Variants in NRXN3 observed in about 807,000 individuals in gnomAD.
NRXN3 encodes neurexin 3.
In NRXN3, 32 loss-of-function variants were observed where a neutral mutation model predicts 137.6. The ratio of observed to expected loss-of-function variants is 0.23; its 90% CI spans 0.18 to 0.31. The LOEUF (loss-of-function observed/expected upper bound fraction) is 0.31. Ranked by LOEUF, NRXN3 falls within the 10% of genes least tolerant of loss-of-function variation. The probability of loss-of-function intolerance (pLI) is 1.00; values close to 1 mark genes in which losing one functional copy is unlikely to be tolerated. For missense variants in NRXN3, 1,574 were observed against 2,062.5 expected (o/e 0.76, Z 4.59); for synonymous variants, 798 against 784.5 (o/e 1.02, Z -0.29).
intron 19 of NRXN3, among the ~76,000 whole-genome samples, chr14:79,781,855 G>C (rs75616767): frequency 6.6e-6 from 1 of 152,138 alleles, no homozygotes; most frequent in Non-Finnish European, 1.5e-5. Flanking sequence ...CTATTTACTT[G>C]TCTATTCTAT....
At chr14:78,874,382 A>G (rs1472975296) in intron 10 of NRXN3, among the ~76,000 whole-genome samples, 4 of 152,210 alleles carry the variant, frequency 2.6e-5, no homozygotes, top group African/African-American at 9.6e-5. Context: ...TCAATGTGGA[A>G]TAGGGCTGTA....
intron 4 of NRXN3, among the ~76,000 whole-genome samples, chr14:78,445,998 A>C (rs1015863306): frequency 6.6e-6 from 1 of 152,092 alleles, no homozygotes; most frequent in Non-Finnish European, 1.5e-5. Context: ...AAGCCTAGCT[A>C]TTCATTGGCT....
intron 16 of NRXN3, among the ~76,000 whole-genome samples, chr14:79,470,255 T>C (rs1475054324): frequency 6.6e-6 from 1 of 152,202 alleles, no homozygotes; most frequent in Non-Finnish European, 1.5e-5. Flanking sequence ...TCTCAGTTTT[T>C]TTACTGCTAT....
chr14:79,355,676 T>C (rs1489532097), intron 15 of NRXN3, among the ~76,000 whole-genome samples: 3 of 151,994 alleles, frequency 2.0e-5, no homozygotes, highest in Non-Finnish European at 4.4e-5. Flanking sequence ...AAATAAACAA[T>C]AAATATTAAT....
chr14:78,967,443 CAATA>C lies in NRXN3; in HGVS notation c.2968+46_2968+49del, dbSNP rs780809922. ...TTAGTTTTTAATAGAGCTTTTCTTA[CAATA>C]GATAGACTATTTCCAGAGGCAAACC... On this transcript the variant is annotated intron_variant, in intron 13 of 20. Coordinates refer to ENST00000335750, the MANE Select transcript of NRXN3 (RefSeq NM_001330195.2). The C allele has an allele frequency of 1.1e-5, 16 of 1,396,148 alleles. No homozygotes were observed. The South Asian group carries it at 2.0e-4, about 17-fold the overall frequency. 86.5% of individuals were successfully genotyped at this position (1,396,148 alleles called of 1,614,324 possible).
At chr14:79,369,664 G>A (rs1309291587) in intron 15 of NRXN3, among the ~76,000 whole-genome samples, 1 of 152,074 alleles carries the variant, frequency 6.6e-6, no homozygotes, top group East Asian at 1.9e-4. Flanking sequence ...ATGGACAGAT[G>A]TTACCCCTCA....
At chr14:78,827,399 G>T (rs563781101) in intron 10 of NRXN3, among the ~76,000 whole-genome samples, 1 of 151,954 alleles carries the variant, frequency 6.6e-6, no homozygotes, top group African/African-American at 2.4e-5. Context: ...ACATATGGAC[G>T]CATATATATG....
rs1394693876 is a variant in NRXN3 at position 79,706,536 on chromosome 14, GGAGGAAA to G, written c.4014+8601_4014+8607del. 6.6e-5 allele frequency among the ~76,000 whole-genome samples: 10 copies of G among 151,080 alleles called. No homozygotes were observed. The East Asian group carries it at 1.6e-3, about 24-fold the overall frequency. ...GTTGAAAGCCACAAGAGGCCTCTGA[GGAGGAAA>G]GCCTCCTAAATGCCATCATGTTCCC... On this transcript the variant is annotated intron_variant, in intron 19 of 20. Coordinates refer to ENST00000335750, the MANE Select transcript of NRXN3 (RefSeq NM_001330195.2).
chr14:78,833,717 G>GA (rs1423554607), intron 10 of NRXN3, among the ~76,000 whole-genome samples: 2 of 26,382 alleles, frequency 7.6e-5, no homozygotes, highest in African/African-American at 1.5e-4. Context: ...TTTCAAATCT[G>GA]AAAAAATCTA....
At chr14:78,225,074 C>T (rs1340535985) in intron 1 of NRXN3, among the ~76,000 whole-genome samples, 1 of 152,186 alleles carries the variant, frequency 6.6e-6, no homozygotes, top group Non-Finnish European at 1.5e-5. Context: ...CCGCATGTGT[C>T]TTTATAGCAG....
In NRXN3 at chr14:79,168,048, A is replaced by ATAAG. The variant is rs147985112; in HGVS notation, c.3262+179910_3262+179913dup. 1.4e-3 allele frequency among the ~76,000 whole-genome samples: 207 copies of ATAAG among 151,796 alleles called. 2 individuals are homozygous for ATAAG. The highest frequency in any genetic ancestry group is 5.0e-3 in the South Asian group (24 of 4,800). ...AAACAGAATCAATGACAATAGTGGC[A>ATAAG]TAAGTATCCAATGATTTTGAGCTAG... is the stretch of plus-strand genomic sequence containing the variant. On this transcript the variant is annotated intron_variant, in intron 15 of 20. Transcript: ENST00000335750.
At chr14:78,561,712 C>G (rs893645138) in intron 4 of NRXN3, among the ~76,000 whole-genome samples, 1 of 152,212 alleles carries the variant, frequency 6.6e-6, no homozygotes, top group African/African-American at 2.4e-5. Flanking sequence ...GTCATCGGCT[C>G]CTCTTAAATT....
At chr14:79,105,744 A>G (rs377152873) in intron 15 of NRXN3, among the ~76,000 whole-genome samples, 2 of 152,186 alleles carry the variant, frequency 1.3e-5, no homozygotes, top group African/African-American at 4.8e-5. Context: ...ACAGTGGAGA[A>G]ACACAGGTTT....
chr14:79,554,637 G>A (rs746090396), intron 16 of NRXN3, among the ~76,000 whole-genome samples: 10 of 152,138 alleles, frequency 6.6e-5, no homozygotes, highest in Non-Finnish European at 1.0e-4. Context: ...TGATGAGAAA[G>A]TGAAGAAAGC....
chr14:79,844,369 A>AT (rs2099362617), intron 20 of NRXN3, among the ~76,000 whole-genome samples: 1 of 149,506 alleles, frequency 6.7e-6, no homozygotes, highest in Middle Eastern at 3.4e-3. Flanking sequence ...CCTTCTAACA[A>AT]TTTTTTCAAT....
In NRXN3 at chr14:78,592,829, G is replaced by A. The variant is rs190681219; in HGVS notation, c.758-52291G>A. Among the ~76,000 whole-genome samples, 163 of 152,318 alleles carry A rather than the reference G, an allele frequency of 1.1e-3. 1 individual carries two copies. Among genetic ancestry groups the A allele is most frequent in the Non-Finnish European group, 9.6e-4 (65 of 68,024 alleles). The stretch of plus-strand genomic sequence containing the variant: ...CTCGATAACTAAACAATATCTGAAC[G>A]CAGAATCCCTCTGTCCAGGGAGGGG... On this transcript the variant is annotated intron_variant, in intron 4 of 20. Transcript: ENST00000335750.
At chr14:78,262,323 T>A (rs538324780) in intron 2 of NRXN3, among the ~76,000 whole-genome samples, 3 of 152,222 alleles carry the variant, frequency 2.0e-5, no homozygotes, top group Admixed American at 6.5e-5. Flanking sequence ...ATCAGTGTGA[T>A]AGGATGAGGG....
chr14:78,641,232 G>A (rs79667825), intron 4 of NRXN3, among the ~76,000 whole-genome samples: 1,595 of 152,070 alleles, frequency 0.01, 33 homozygotes, highest in African/African-American at 0.037. Flanking sequence ...ATAAGAGAGT[G>A]GTTGAGTCTC....
chr14:79,170,578 C>T (rs569009588), intron 15 of NRXN3, among the ~76,000 whole-genome samples: 1 of 152,146 alleles, frequency 6.6e-6, no homozygotes, highest in Non-Finnish European at 1.5e-5. Flanking sequence ...CACTGAATAA[C>T]GTGGGCAAAA....
Sources: allele counts gnomAD v4.1 joint callset (sites outside exome capture counted in the v4.1 genomes callset), GRCh38; gene constraint gnomAD v4.1.1; transcripts MANE v1.5; gene names NCBI Gene and HGNC (gene_info 2026-07-23, HGNC 2026-07-21).